MGA: variants seen among roughly 807,000 people sequenced by gnomAD.
MGA encodes the protein MAX gene-associated protein.
Under a neutral mutation model 261.1 loss-of-function variants are expected in MGA, and 40 were observed. The observed-to-expected ratio is 0.15, with a 90% CI of 0.12 to 0.20. The LOEUF is 0.20. MGA is among the 10% of genes least tolerant of loss of function. The pLI is 1.00. For missense variants in MGA, 3,397 were observed against 3,630.5 expected (o/e 0.94, Z 1.65); for synonymous variants, 1,302 against 1,290.6 (o/e 1.01, Z -0.19).
Position 41,710,816 on chromosome 15 carries a change from TCTC to T in MGA, c.2554_2556del (p.Pro852del). On this transcript the variant is annotated inframe_deletion, in exon 8 of 24. Coordinates refer to ENST00000219905, the MANE Select transcript of MGA (RefSeq NM_001164273.2). Reference sequence around the variant, plus strand: ...GGGTTTTTCTTCTAATGCTCCCACATCTCCTGTGGTGTACCAGCTTCCCACTAA... The same window carrying T: ...GGGTTTTTCTTCTAATGCTCCCACATCTGTGGTGTACCAGCTTCCCACTAA... 6.2e-7 allele frequency: 1 copy of T among 1,613,976 alleles called. No homozygotes were observed. The highest frequency in any genetic ancestry group is 8.5e-7 in the Non-Finnish European group (1 of 1,179,884).
At chr15:41,698,990 G>A (rs1349807552) in intron 4 of MGA, 49 bp downstream of exon 4, 1 of 1,541,662 alleles carries the variant, frequency 6.5e-7, no homozygotes, top group African/African-American at 1.4e-5. Flanking sequence ...TTGGGCTCCA[G>A]CAATGAAACA....
intron 1 of MGA, among the ~76,000 whole-genome samples, chr15:41,652,131 A>T (rs2057075917): frequency 6.9e-6 from 1 of 145,692 alleles, no homozygotes; most frequent in Non-Finnish European, 1.5e-5. Context: ...TCGCCCGGCT[A>T]ATTTTTTTTT....
intron 2 of MGA, among the ~76,000 whole-genome samples, chr15:41,680,882 C>G (rs1360275039): frequency 6.6e-6 from 1 of 152,146 alleles, no homozygotes; most frequent in Non-Finnish European, 1.5e-5. Context: ...TTTCCCCACC[C>G]TAGAGGTTGA....
chr15:41,722,913 A>G (rs1002727721), intron 9 of MGA, among the ~76,000 whole-genome samples: 4 of 152,226 alleles, frequency 2.6e-5, no homozygotes, highest in Admixed American at 6.5e-5. Flanking sequence ...GAAAAGATAC[A>G]TATTTATTGT....
chr15:41,655,805 T>TCTACC (rs2057155265), upstream of MGA, among the ~76,000 whole-genome samples: 1 of 152,226 alleles, frequency 6.6e-6, no homozygotes. Flanking sequence ...AAATCACAAC[T>TCTACC]CTACCCCTTT....
At chr15:41,718,529 T>C in intron 9 of MGA, 1 of 504,322 alleles carries the variant, frequency 2.0e-6, no homozygotes. Flanking sequence ...AGTTCTCTTT[T>C]TCTGTGTCAG....
chr15:41,765,861 ATTTCTT>A (rs2063771351), intron 23 of MGA, 137 bp from the exon 24 acceptor site: 6 of 652,954 alleles, frequency 9.2e-6, no homozygotes, highest in Admixed American at 3.4e-5. Context: ...AAGAACTGAT[ATTTCTT>A]TCATCTTTTT....
chr15:41,764,949 A>G lies in MGA; in HGVS notation c.7808A>G (p.Gln2603Arg). The G allele has an allele frequency of 6.2e-7, 1 of 1,614,022 alleles. No individual in the cohort carries two copies. Among genetic ancestry groups the G allele is most frequent in the African/African-American group, 1.3e-5 (1 of 75,050 alleles). ...AACCTTGTGATGACTCCGCAAGGGCAATTGCTCACCCTAAAAGGTCCCCTA... is the reference window on the plus strand; with the variant it reads ...AACCTTGTGATGACTCCGCAAGGGCGATTGCTCACCCTAAAAGGTCCCCTA... Residue 2603 changes from glutamine to arginine, a missense_variant, in exon 23 of 24, where the codon CAA becomes CGA. Physicochemically the swap from Gln to Arg is conservative, Grantham distance 43 (BLOSUM62 1). Coordinates refer to ENST00000219905, the MANE Select transcript of MGA (RefSeq NM_001164273.2).
At position 41,750,499 on chromosome 15, in the gene MGA, G is replaced by A. The variant is rs761557405; in HGVS notation, c.6892G>A (p.Val2298Ile). 1.2e-6 allele frequency: 2 copies of A among 1,613,884 alleles called. No homozygotes were observed. Among genetic ancestry groups the A allele is most frequent in the Non-Finnish European group, 1.7e-6 (2 of 1,179,834 alleles). Residue 2298 changes from valine to isoleucine, a missense_variant, in exon 17 of 24, where the codon GTT becomes ATT. By Grantham distance (29) the Val-to-Ile change is conservative. Transcript: ENST00000219905. ...TGGGAGAAGCAGTGCTGACTTCACT[G>A]TTTTGGATTTGGAAGAAGATGATGA...
chr15:41,658,287 A>T (rs541726299), upstream of MGA, among the ~76,000 whole-genome samples: 16 of 152,366 alleles, frequency 1.1e-4, no homozygotes, highest in East Asian at 3.1e-3. Flanking sequence ...TAGGAGCATC[A>T]CTTTAGCAGT....
At chr15:41,642,505 G>T (rs1249060583) in intron 1 of MGA, among the ~76,000 whole-genome samples, 1 of 150,886 alleles carries the variant, frequency 6.6e-6, no homozygotes, top group Non-Finnish European at 1.5e-5. Flanking sequence ...TATTATTTTA[G>T]ACAGAGTCTT....
At chr15:41,740,030 C>T in intron 13 of MGA, 1 of 1,613,986 alleles carries the variant, frequency 6.2e-7, no homozygotes. Flanking sequence ...GACCTCTCAA[C>T]CCTCAGTACT....
intron 2 of MGA, among the ~76,000 whole-genome samples, chr15:41,685,978 C>G (rs977709471): frequency 6.7e-6 from 1 of 149,938 alleles, no homozygotes; most frequent in Non-Finnish European, 1.5e-5. Flanking sequence ...GCACTCCAGC[C>G]TGGGTGACAG....
chr15:41,755,563 T>A (rs999287787), intron 18 of MGA, among the ~76,000 whole-genome samples: 1 of 152,192 alleles, frequency 6.6e-6, no homozygotes, highest in African/African-American at 2.4e-5. Context: ...GAGAACATTC[T>A]CTGACAAGCT....
chr15:41,656,333 CCTCTCCT>C (rs2057173573), upstream of MGA, among the ~76,000 whole-genome samples: 1 of 50,268 alleles, frequency 2.0e-5, no homozygotes, highest in African/African-American at 4.6e-5. Context: ...TCTCTCTCTC[CCTCTCCT>C]CTCTTCTCTC....
chr15:41,707,321 T>G (rs2060173820), intron 5 of MGA, among the ~76,000 whole-genome samples: 1 of 152,226 alleles, frequency 6.6e-6, no homozygotes, highest in Non-Finnish European at 1.5e-5. Flanking sequence ...TCTCAGAGAC[T>G]TGGTTGGAGA....
chr15:41,716,466 AAG>A (rs1397058224), intron 9 of MGA, among the ~76,000 whole-genome samples: 1 of 152,108 alleles, frequency 6.6e-6, no homozygotes, highest in African/African-American at 2.4e-5. Context: ...AAAAAAGAAA[AAG>A]AAAAAGGAGG....
chr15:41,696,767 A>C lies in MGA; in HGVS notation c.1757A>C (p.Lys586Thr). 6.2e-7 allele frequency: 1 copy of C among 1,609,574 alleles called. No individual in the cohort carries two copies. Among genetic ancestry groups the C allele is most frequent in the Non-Finnish European group, 8.5e-7 (1 of 1,177,814 alleles). ...TCAGGAAAAGAGGACTTGGGCAGAA[A>C]GAGAACAACTATGCTTAAGATTGCA... The change falls in exon 3 of 24, where the codon AAG becomes ACG. Residue 586 changes from lysine (K) to threonine (T), a missense_variant. By Grantham distance (78) the Lys-to-Thr change is moderately conservative. Coordinates refer to ENST00000219905, the MANE Select transcript of MGA (RefSeq NM_001164273.2).
At chr15:41,737,056 A>AGGTG (rs1160920704) in intron 13 of MGA, among the ~76,000 whole-genome samples, 1 of 152,236 alleles carries the variant, frequency 6.6e-6, no homozygotes, top group Non-Finnish European at 1.5e-5. Flanking sequence ...ATTAGCAGAT[A>AGGTG]GGTTTCAAAA....
Sources: gnomAD v4.1 joint callset for allele counts (sites outside exome capture counted in the v4.1 genomes callset) on GRCh38, gnomAD v4.1.1 for gene constraint, MANE v1.5 for transcripts, NCBI Gene and HGNC (gene_info 2026-07-23, HGNC 2026-07-21) for gene names.